The following ZNF638 variants were observed in gnomAD, a reference collection of about 807,000 sequenced individuals.
ZNF638 encodes the protein CTCL tumor antigen se33-1.
A neutral mutation model predicts 195.6 loss-of-function variants in ZNF638; 46 were observed. That is an observed-to-expected ratio of 0.24 (90% CI 0.19 to 0.30). ZNF638 has a LOEUF of 0.30. ZNF638 is among the 10% of genes least tolerant of loss of function. The probability of loss-of-function intolerance (pLI) is 1.00; values close to 1 mark genes in which losing one functional copy is unlikely to be tolerated. For missense variants in ZNF638, 2,440 were observed against 2,325.3 expected, an observed-to-expected ratio of 1.05 and a Z score of -1.01; for synonymous variants, 845 against 772.0, an observed-to-expected ratio of 1.09 and a Z score of -1.57.
intron 8 of ZNF638, among the ~76,000 whole-genome samples, chr2:71,377,027 C>G (rs2079441824): frequency 6.6e-6 from 1 of 152,104 alleles, no homozygotes; most frequent in African/African-American, 2.4e-5. Flanking sequence ...AATCCCAGCA[C>G]TTTGGGAGGC....
chr2:71,427,522 A>G, intron 24 of ZNF638, 108 bp downstream of exon 24: 1 of 753,508 alleles, frequency 1.3e-6, no homozygotes, highest in East Asian at 2.9e-5. Context: ...CAGTATTGAT[A>G]TTAGAGGCCA....
At chr2:71,410,816 A>C (rs2080199078) in intron 20 of ZNF638, among the ~76,000 whole-genome samples, 1 of 152,104 alleles carries the variant, frequency 6.6e-6, no homozygotes, top group Non-Finnish European at 1.5e-5. Flanking sequence ...GGAGATTTTT[A>C]GGCAGAAGAA....
intron 1 of ZNF638, among the ~76,000 whole-genome samples, chr2:71,336,200 CG>C (rs1227117239): frequency 6.6e-6 from 1 of 151,944 alleles, no homozygotes; most frequent in African/African-American, 2.4e-5. Context: ...GGAGAAACCC[CG>C]TCTCTACTAA....
chr2:71,430,287 T>G (rs1208525885), intron 25 of ZNF638, among the ~76,000 whole-genome samples: 1 of 152,144 alleles, frequency 6.6e-6, no homozygotes, highest in Non-Finnish European at 1.5e-5. Flanking sequence ...GAAAGTTTAT[T>G]ACCCTGATGA....
intron 14 of ZNF638, 145 bp downstream of exon 14, chr2:71,400,325 A>T: frequency 9.6e-7 from 1 of 1,046,080 alleles, no homozygotes; most frequent in Non-Finnish European, 1.4e-6. Flanking sequence ...TGTATTTTTT[A>T]AAAGCCAATG....
intron 23 of ZNF638, among the ~76,000 whole-genome samples, chr2:71,425,691 C>T (rs187088533): frequency 2.0e-5 from 3 of 152,146 alleles, no homozygotes; most frequent in East Asian, 1.9e-4. Context: ...TATTTTGCAA[C>T]GAAATCTCAC....
chr2:71,387,973 G>A (rs1217986826), intron 10 of ZNF638, among the ~76,000 whole-genome samples: 13 of 152,100 alleles, frequency 8.5e-5, no homozygotes, highest in Non-Finnish European at 1.3e-4. Context: ...AGAGAAAGAA[G>A]TAGAGATGAC....
chr2:71,411,028 G>T (rs974185562), intron 20 of ZNF638, among the ~76,000 whole-genome samples: 3 of 122,846 alleles, frequency 2.4e-5, no homozygotes, highest in Admixed American at 1.1e-4. Flanking sequence ...GATGGAGCCT[G>T]GCTCTGTTGT....
intron 24 of ZNF638, 126 bp downstream of exon 24, chr2:71,427,540 G>A (rs1397035362): frequency 3.2e-6 from 2 of 620,314 alleles, no homozygotes. Context: ...CCAACAGACA[G>A]TTAAAGTCAA....
intron 8 of ZNF638, among the ~76,000 whole-genome samples, chr2:71,377,786 A>G (rs1454244698): frequency 6.6e-6 from 1 of 152,218 alleles, no homozygotes; most frequent in Non-Finnish European, 1.5e-5. Flanking sequence ...ACATCATTTA[A>G]ATTCTGAGGA....
intron 10 of ZNF638, among the ~76,000 whole-genome samples, chr2:71,382,126 G>T (rs2079544734): frequency 6.6e-6 from 1 of 152,078 alleles, no homozygotes; most frequent in Non-Finnish European, 1.5e-5. Flanking sequence ...AGTCCTGATA[G>T]GTTTTACTAA....
intron 21 of ZNF638, among the ~76,000 whole-genome samples, chr2:71,419,056 TA>T (rs1202386070): frequency 6.6e-6 from 1 of 152,208 alleles, no homozygotes; most frequent in Non-Finnish European, 1.5e-5. Context: ...TGATACTTTT[TA>T]AAAACAACTG....
chr2:71,422,229 C>A (rs779259620), intron 21 of ZNF638, among the ~76,000 whole-genome samples: 32 of 151,598 alleles, frequency 2.1e-4, no homozygotes, highest in Non-Finnish European at 4.4e-4. Context: ...AGAATACTTT[C>A]CAAATAATGT....
At chr2:71,363,101 G>A in intron 3 of ZNF638, 52 bp from the exon 4 acceptor site, 3 of 1,302,258 alleles carry the variant, frequency 2.3e-6, no homozygotes, top group Admixed American at 3.9e-5. Context: ...GATTAATTGA[G>A]CCTTACAGTC....
At chr2:71,352,039 G>C (rs989974875) in intron 2 of ZNF638, among the ~76,000 whole-genome samples, 10 of 152,284 alleles carry the variant, frequency 6.6e-5, no homozygotes, top group African/African-American at 2.2e-4. Context: ...GACATCAAAA[G>C]ACTTTTATAG....
chr2:71,403,365 G>T (rs1573127238), intron 16 of ZNF638, among the ~76,000 whole-genome samples: 2 of 151,980 alleles, frequency 1.3e-5, no homozygotes, highest in South Asian at 2.1e-4. Context: ...ACTTACCAAG[G>T]TGTGAAAATT....
At chr2:71,355,915 T>C (rs1317042417) in intron 3 of ZNF638, 135 bp downstream of exon 3, 7 of 463,868 alleles carry the variant, frequency 1.5e-5, no homozygotes, top group African/African-American at 2.0e-5. Flanking sequence ...TTTAAAAATA[T>C]TAGTTTTCTG....
At chr2:71,409,368 T>C (rs1377105677) in intron 20 of ZNF638, among the ~76,000 whole-genome samples, 1 of 152,208 alleles carries the variant, frequency 6.6e-6, no homozygotes, top group African/African-American at 2.4e-5. Flanking sequence ...CTTTGTGTAG[T>C]ATGTGTGACC....
intron 10 of ZNF638, among the ~76,000 whole-genome samples, chr2:71,383,540 C>T (rs1270110765): frequency 1.4e-5 from 2 of 146,860 alleles, no homozygotes; most frequent in Non-Finnish European, 3.0e-5. Context: ...CTTCTCATGT[C>T]ATGCTTTTCT....
Sources: allele counts gnomAD v4.1 joint callset (sites outside exome capture counted in the v4.1 genomes callset), GRCh38; gene constraint gnomAD v4.1.1; transcripts MANE v1.5; gene names NCBI Gene and HGNC (gene_info 2026-07-23, HGNC 2026-07-21).